The following PTPRK variants were observed in gnomAD, a reference collection of about 807,000 sequenced individuals.
PTPRK encodes the protein protein tyrosine phosphatase receptor type K.
A neutral mutation model predicts 178.0 loss-of-function variants in PTPRK; 75 were observed. The ratio of observed to expected loss-of-function variants is 0.42; its 90% CI spans 0.35 to 0.51. The LOEUF is 0.51. Ranked by LOEUF, PTPRK falls within the 20% of genes least tolerant of loss-of-function variation. The pLI, the probability that PTPRK is intolerant of heterozygous loss-of-function variation, is 0.02. For synonymous variants in PTPRK, 637 were observed against 620.6 expected (o/e 1.03, Z -0.39); for missense variants, 1,441 against 1,797.8 (o/e 0.80, Z 3.59).
intron 6 of PTPRK, among the ~76,000 whole-genome samples, chr6:128,214,890 G>A (rs1808965445): frequency 1.3e-5 from 2 of 152,064 alleles, no homozygotes; most frequent in African/African-American, 4.8e-5. Flanking sequence ...GAATAAGGTT[G>A]GGTAACTACC....
chr6:127,997,009 A>C, intron 16 of PTPRK, 21 bp from the exon 17 acceptor site: 1 of 1,603,496 alleles, frequency 6.2e-7, no homozygotes, highest in Non-Finnish European at 8.5e-7. Flanking sequence ...AAAACGAATA[A>C]GCAGACTGAA....
intron 1 of PTPRK, among the ~76,000 whole-genome samples, chr6:128,467,872 T>A (rs1850083006): frequency 6.6e-6 from 1 of 151,190 alleles, no homozygotes; most frequent in South Asian, 2.1e-4. Context: ...CCATTAATCC[T>A]CTCATTGGCC....
At chr6:128,116,054 T>TTA in intron 7 of PTPRK, among the ~76,000 whole-genome samples, 1 of 152,250 alleles carries the variant, frequency 6.6e-6, no homozygotes, top group East Asian at 1.9e-4. Context: ...AAATCACAGC[T>TTA]TATCTCAATC....
At chr6:127,997,752 T>C (rs1011714111) in intron 16 of PTPRK, among the ~76,000 whole-genome samples, 1 of 152,096 alleles carries the variant, frequency 6.6e-6, no homozygotes, top group Non-Finnish European at 1.5e-5. Context: ...GTACTTATTT[T>C]GTTACCACGG....
At chr6:128,453,820 A>C (rs1379234839) in intron 1 of PTPRK, among the ~76,000 whole-genome samples, 1 of 152,170 alleles carries the variant, frequency 6.6e-6, no homozygotes, top group African/African-American at 2.4e-5. Context: ...GAAAACTATG[A>C]TGCATGCAGG....
intron 2 of PTPRK, among the ~76,000 whole-genome samples, chr6:128,385,440 T>C (rs1028522695): frequency 1.3e-5 from 2 of 152,224 alleles, no homozygotes; most frequent in Non-Finnish European, 2.9e-5. Context: ...AGTTCAACTT[T>C]CTGTGCATTA....
intron 7 of PTPRK, among the ~76,000 whole-genome samples, chr6:128,171,316 T>C (rs1368775541): frequency 6.6e-6 from 1 of 151,950 alleles, no homozygotes; most frequent in Non-Finnish European, 1.5e-5. Context: ...CACTTTCATA[T>C]TAGTACAAAA....
At chr6:127,985,633 A>T (rs1775879440) in intron 22 of PTPRK, 88 bp downstream of exon 22, 1 of 1,370,858 alleles carries the variant, frequency 7.3e-7, no homozygotes, top group Non-Finnish European at 9.9e-7. Flanking sequence ...TCGTAAGCAC[A>T]CATTAGTTTT....
At chr6:128,052,310 A>G (rs1303452086) in intron 13 of PTPRK, among the ~76,000 whole-genome samples, 3 of 152,214 alleles carry the variant, frequency 2.0e-5, no homozygotes, top group African/African-American at 7.2e-5. Context: ...CAAACTTAAG[A>G]AAATTAACTA....
intron 7 of PTPRK, among the ~76,000 whole-genome samples, chr6:128,125,585 C>T (rs915164887): frequency 6.9e-6 from 1 of 144,322 alleles, no homozygotes; most frequent in Non-Finnish European, 1.5e-5. Flanking sequence ...GACTAATACA[C>T]TTGCCTTTGG....
intron 1 of PTPRK, among the ~76,000 whole-genome samples, chr6:128,503,206 ACAGAG>A (rs1459477837): frequency 6.6e-6 from 1 of 152,252 alleles, no homozygotes; most frequent in Non-Finnish European, 1.5e-5. Flanking sequence ...AGCCTAGGCA[ACAGAG>A]CGAGACTCCA....
At chr6:128,327,287 C>T (rs1425161309) in intron 2 of PTPRK, among the ~76,000 whole-genome samples, 6 of 151,978 alleles carry the variant, frequency 3.9e-5, no homozygotes, top group Admixed American at 1.3e-4. Context: ...TCTAAAACTC[C>T]TTTATATATG....
At chr6:128,103,406 G>GATTAA (rs1329274899) in intron 7 of PTPRK, among the ~76,000 whole-genome samples, 4 of 152,140 alleles carry the variant, frequency 2.6e-5, no homozygotes, top group African/African-American at 9.7e-5. Flanking sequence ...TAAGCCATCT[G>GATTAA]CAGATGGCAG....
At chr6:128,220,291 G>A (rs951720506) in intron 5 of PTPRK, among the ~76,000 whole-genome samples, 1 of 152,096 alleles carries the variant, frequency 6.6e-6, no homozygotes, top group African/African-American at 2.4e-5. Flanking sequence ...TCAATCAAAA[G>A]TGAATAGGGT....
intron 3 of PTPRK, among the ~76,000 whole-genome samples, chr6:128,245,677 C>T (rs755363340): frequency 6.6e-6 from 1 of 152,160 alleles, no homozygotes; most frequent in Non-Finnish European, 1.5e-5. Context: ...TCTATGAACA[C>T]AGGAGGGTGT....
intron 3 of PTPRK, among the ~76,000 whole-genome samples, chr6:128,282,218 A>G (rs1311606239): frequency 6.6e-6 from 1 of 152,186 alleles, no homozygotes; most frequent in African/African-American, 2.4e-5. Flanking sequence ...AGAAAAGGCA[A>G]TGCAGCTAAT....
At chr6:128,107,312 C>A (rs1396390398) in intron 7 of PTPRK, among the ~76,000 whole-genome samples, 2 of 152,100 alleles carry the variant, frequency 1.3e-5, no homozygotes, top group East Asian at 3.9e-4. Flanking sequence ...ACAGTTTCAC[C>A]TTTTCCTTTT....
chr6:128,300,266 T>A (rs186649569), intron 3 of PTPRK, among the ~76,000 whole-genome samples: 2 of 152,122 alleles, frequency 1.3e-5, no homozygotes, highest in Non-Finnish European at 2.9e-5. Context: ...ACTTTTACAC[T>A]CTTGGTGGGA....
At chr6:128,507,581 C>A (rs1856560635) in intron 1 of PTPRK, among the ~76,000 whole-genome samples, 2 of 152,146 alleles carry the variant, frequency 1.3e-5, no homozygotes, top group African/African-American at 4.8e-5. Flanking sequence ...AGCCACTGGT[C>A]TCCCTCTCTT....
Sources: allele counts gnomAD v4.1 joint callset (sites outside exome capture counted in the v4.1 genomes callset), GRCh38; gene constraint gnomAD v4.1.1; transcripts MANE v1.5; gene names NCBI Gene and HGNC (gene_info 2026-07-23, HGNC 2026-07-21).